The following ZNF398 variants were observed in gnomAD, a reference collection of about 807,000 sequenced individuals.
ZNF398 encodes the protein zinc finger DNA binding protein ZER6.
A neutral mutation model predicts 41.9 loss-of-function variants in ZNF398; 18 were observed. That is an observed-to-expected ratio of 0.43 (90% CI 0.30 to 0.64). The LOEUF (loss-of-function observed/expected upper bound fraction) is 0.64. Ranked by LOEUF, ZNF398 falls within the 30% of genes least tolerant of loss-of-function variation. The pLI, the probability that ZNF398 is intolerant of heterozygous loss-of-function variation, is 0.14. For missense variants in ZNF398, 669 were observed against 822.8 expected (o/e 0.81, Z 2.29); for synonymous variants, 260 against 308.8 (o/e 0.84, Z 1.66).
intron 2 of ZNF398, among the ~76,000 whole-genome samples, chr7:149,137,658 G>T (rs1194339255): frequency 1.3e-5 from 2 of 152,162 alleles, no homozygotes; most frequent in Non-Finnish European, 2.9e-5. Context: ...GGGATTACAG[G>T]CGTGAGCCAC....
Position 149,147,740 on chromosome 7 carries a change from G to C in ZNF398, c.-3G>C. ...CGAGGCCCGGGCTAGACAGCGCAGGGCCATGGCTGAGGCGGCCCCGGCCCC... is the reference window on the plus strand; with the variant it reads ...CGAGGCCCGGGCTAGACAGCGCAGGCCCATGGCTGAGGCGGCCCCGGCCCC... On this transcript the variant is annotated 5_prime_UTR_variant, in exon 1 of 6. Transcript: ENST00000475153. The surrounding 1 kb of genome is among the most constrained non-coding windows in gnomAD (Gnocchi z 5.6). The C allele has an allele frequency of 1.5e-6, 2 of 1,378,288 alleles. No homozygotes were observed. The highest frequency in any genetic ancestry group is 1.9e-6 in the Non-Finnish European group (2 of 1,065,586). The allele number at this position is 1,378,288 out of a possible 1,614,324, so 85.4% of individuals were successfully genotyped here. A position where few individuals can be genotyped will look rare whatever the true frequency, so the allele number is the denominator to read the frequency against.
intron 2 of ZNF398, among the ~76,000 whole-genome samples, chr7:149,159,642 C>T (rs539057949): frequency 5.3e-5 from 8 of 151,420 alleles, no homozygotes; most frequent in South Asian, 2.1e-4. Flanking sequence ...AGTGAGACTC[C>T]GTCTCAAAAA....
upstream of ZNF398, among the ~76,000 whole-genome samples, chr7:149,144,877 C>T (rs185344274): frequency 3.2e-4 from 49 of 152,266 alleles, no homozygotes; most frequent in Non-Finnish European, 3.8e-4. Flanking sequence ...GCGTGAGTCA[C>T]CGTGCCCGGC....
intron 2 of ZNF398, among the ~76,000 whole-genome samples, chr7:149,155,788 G>A (rs1406402848): frequency 2.1e-5 from 3 of 144,172 alleles, no homozygotes; most frequent in African/African-American, 5.2e-5. Context: ...GTGCAGTGGC[G>A]CCATCTCGGC....
chr7:149,149,596 A>C (rs1350791772), intron 1 of ZNF398, among the ~76,000 whole-genome samples: 1 of 152,096 alleles, frequency 6.6e-6, no homozygotes, highest in East Asian at 1.9e-4. Context: ...CAAGCACTTC[A>C]GGAGGCTGCC....
chr7:149,154,288 G>A lies in ZNF398; in HGVS notation c.368G>A (p.Arg123Lys). 1 of 1,614,068 alleles carries A rather than the reference G, an allele frequency of 6.2e-7. No homozygotes were observed. Among genetic ancestry groups the A allele is most frequent in the Non-Finnish European group, 8.5e-7 (1 of 1,180,000 alleles). The change falls in exon 2 of 6, where the codon AGG (arginine) becomes AAG (lysine). Residue 123 changes from arginine to lysine, a missense_variant. Around this residue, in one of 3 missense-constraint regions of ZNF398, gnomAD observed 169 missense variants for 239.5 expected, o/e 0.71. Coordinates refer to ENST00000475153, the MANE Select transcript of ZNF398 (RefSeq NM_170686.3). ...LENLENLLRN[R>K]NFWILRLPPG... ...AACTTGGAGAACCTGCTGCGCAACA[G>A]GAACTTCTGGATCCTGCGGCTCCCT...
At position 149,152,322 on chromosome 7, in the gene ZNF398, G is replaced by A. The variant is rs1319311664; in HGVS notation, c.25-1623G>A. On this transcript the variant is annotated intron_variant, in intron 1 of 5. Transcript: ENST00000475153. ...GTCACCCAGGCTGGAGTGCAGTGGC[G>A]CGAAGTTGGGTTGCTGTAAGCTCCG... Among the ~76,000 whole-genome samples, 4 of 148,770 alleles carry A rather than the reference G, an allele frequency of 2.7e-5. No individual in the cohort carries two copies. In the East Asian group the frequency reaches 8.0e-4, roughly 30 times the overall value.
intron 4 of ZNF398, among the ~76,000 whole-genome samples, chr7:149,174,709 C>T (rs1474932375): frequency 6.6e-6 from 1 of 152,042 alleles, no homozygotes; most frequent in Non-Finnish European, 1.5e-5. Context: ...ACCTGTGGTC[C>T]CAGCTACTAG....
At chr7:149,156,049 C>T (rs79191820) in intron 2 of ZNF398, among the ~76,000 whole-genome samples, 3,393 of 152,048 alleles carry the variant, frequency 0.022, 114 homozygotes, top group African/African-American at 0.078. Flanking sequence ...GAAAGAATCC[C>T]TTTGGCTGCT....
chr7:149,179,667 GACCCATCAGGTCAGCCACCCA>G lies in ZNF398; in HGVS notation c.1801_1821del (p.Ser601_Pro607del). 6.2e-7 allele frequency: 1 copy of G among 1,614,196 alleles called. No homozygotes were observed. Among genetic ancestry groups the G allele is most frequent in the East Asian group, 2.2e-5 (1 of 44,884 alleles). On this transcript the variant is annotated inframe_deletion, in exon 6 of 6. Transcript: ENST00000475153. This position sits in a 1 kb window ranked among gnomAD's most constrained non-coding sequence, Gnocchi z 6.1. The stretch of plus-strand genomic sequence containing the variant: ...CAATGGAGGCTGTGGGGGTGATAGT[GACCCATCAGGTCAGCCACCCA>G]ACCCACCAGGTCCCCTCATAACTGG...
chr7:149,147,260 G>C (rs1826966551), upstream of ZNF398: 1 of 152,220 alleles, frequency 6.6e-6, no homozygotes, highest in Non-Finnish European at 1.5e-5. This position sits in a 1 kb window ranked among gnomAD's most constrained non-coding sequence, Gnocchi z 5.6. Flanking sequence ...GAACCTTCTC[G>C]TGGGAATGTG....
Position 149,178,714 on chromosome 7 carries a change from C to A in ZNF398, c.842C>A (p.Pro281His), listed in dbSNP as rs1795523430. ...TCGTTGTGCCCTGAGGTTCCAGTCC[C>A]TTTCTCTTCTCCACCAGCAGCAGCA... Reference protein sequence around the residue: ...RSSLCPEVPVPFSSPPAAAKD... With the variant: ...RSSLCPEVPVHFSSPPAAAKD... Residue 281 changes from proline to histidine, a missense_variant, in exon 6 of 6, where the codon CCT becomes CAT. Around this residue, in one of 3 missense-constraint regions of ZNF398, gnomAD observed 290 missense variants for 292.9 expected, o/e 0.99. Transcript: ENST00000475153. 1.9e-6 allele frequency: 3 copies of A among 1,614,086 alleles called. No homozygotes were observed. Among genetic ancestry groups the A allele is most frequent in the Non-Finnish European group, 2.5e-6 (3 of 1,180,048 alleles).
intron 2 of ZNF398, among the ~76,000 whole-genome samples, chr7:149,134,246 T>G (rs997677497): frequency 6.6e-6 from 1 of 151,606 alleles, no homozygotes; most frequent in Non-Finnish European, 1.5e-5. Flanking sequence ...TTTGTTTTTT[T>G]GTTTTTTTTG....
At position 149,181,908 on chromosome 7, in the gene ZNF398, T is replaced by G. The variant is rs1158347586; in HGVS notation, c.*2107T>G. ...GGAACTTGAATGTGAGATTCAGCTCTAGTTTGCACCTTGATTTCCCCAGTG... is the reference window on the plus strand; with the variant it reads ...GGAACTTGAATGTGAGATTCAGCTCGAGTTTGCACCTTGATTTCCCCAGTG... On this transcript the variant is annotated 3_prime_UTR_variant, in exon 6 of 6. Coordinates refer to ENST00000475153, the MANE Select transcript of ZNF398 (RefSeq NM_170686.3). 1 of 152,218 alleles carries G rather than the reference T, an allele frequency of 6.6e-6. No individual in the cohort carries two copies. Among genetic ancestry groups the G allele is most frequent in the African/African-American group, 2.4e-5 (1 of 41,462 alleles). The allele number at this position is 152,218 out of a possible 1,614,324, so 9.4% of individuals were successfully genotyped here. A position where few individuals can be genotyped will look rare whatever the true frequency, so the allele number is the denominator to read the frequency against.
At chr7:149,165,373 G>A (rs565384045) in intron 2 of ZNF398, among the ~76,000 whole-genome samples, 25 of 152,322 alleles carry the variant, frequency 1.6e-4, no homozygotes, top group African/African-American at 5.5e-4. Context: ...TCAGGGAAAT[G>A]TACAGTCAAG....
upstream of ZNF398, among the ~76,000 whole-genome samples, chr7:149,146,370 A>C (rs1385144755): frequency 3.3e-5 from 5 of 152,164 alleles, no homozygotes; most frequent in Non-Finnish European, 7.3e-5. Flanking sequence ...AAAATAAATA[A>C]GTAAATAAAT....
chr7:149,179,924 G>T lies in ZNF398; in HGVS notation c.*123G>T. On this transcript the variant is annotated 3_prime_UTR_variant, in exon 6 of 6. Transcript: ENST00000475153. This position sits in a 1 kb window ranked among gnomAD's most constrained non-coding sequence, Gnocchi z 6.1. ...TTATCTGGCACATCAATGAATTTGG[G>T]GTCCTATACACTTGACTAGAGACAT... is the stretch of plus-strand genomic sequence containing the variant. 1.1e-6 allele frequency: 1 copy of T among 914,390 alleles called. No homozygotes were observed. Among genetic ancestry groups the T allele is most frequent in the Non-Finnish European group, 1.6e-6 (1 of 642,676 alleles). 56.6% of individuals were successfully genotyped at this position (914,390 alleles called of 1,614,324 possible). A position where few individuals can be genotyped will look rare whatever the true frequency, so the allele number is the denominator to read the frequency against.
intron 2 of ZNF398, among the ~76,000 whole-genome samples, chr7:149,154,591 T>C (rs534152061): frequency 6.2e-4 from 90 of 145,808 alleles, no homozygotes; most frequent in African/African-American, 2.2e-3. Flanking sequence ...ATCTGGTAGA[T>C]GGATTTTTTT....
At chr7:149,156,676 T>G (rs1338689911) in intron 2 of ZNF398, among the ~76,000 whole-genome samples, 2 of 150,964 alleles carry the variant, frequency 1.3e-5, no homozygotes, top group Non-Finnish European at 3.0e-5. Context: ...CTGACCAACA[T>G]GGAGAAACCC....
Sources: allele counts gnomAD v4.1 joint callset (sites outside exome capture counted in the v4.1 genomes callset), GRCh38; gene constraint gnomAD v4.1.1; regional missense constraint gnomAD v4.1.1; non-coding constraint Gnocchi (gnomAD v3.1); transcripts MANE v1.5; gene names NCBI Gene and HGNC (gene_info 2026-07-23, HGNC 2026-07-21).